Variants in TYW1B observed in about 807,000 individuals in gnomAD.
TYW1B encodes the protein S-adenosyl-L-methionine-dependent tRNA 4-demethylwyosine synthase TYW1B.
Under a neutral mutation model 86.9 loss-of-function variants are expected in TYW1B, and 73 were observed. That is an observed-to-expected ratio of 0.84 (90% CI 0.70 to 1.02). The LOEUF (loss-of-function observed/expected upper bound fraction) is 1.02. TYW1B is among the 50% of genes least tolerant of loss of function. TYW1B has a pLI of 0.00. For missense variants in TYW1B, 637 were observed against 827.4 expected (o/e 0.77, Z 2.82); for synonymous variants, 248 against 292.8 (o/e 0.85, Z 1.56).
chr7:72,616,592 A>G (rs1369468194), intron 13 of TYW1B, 80 bp downstream of exon 13: 1 of 1,605,692 alleles, frequency 6.2e-7, no homozygotes, highest in African/African-American at 1.3e-5. Context: ...ATAACAACGT[A>G]AGAGGAAAAT....
chr7:72,630,529 A>T (rs1392437856), intron 11 of TYW1B, among the ~76,000 whole-genome samples: 2 of 151,952 alleles, frequency 1.3e-5, no homozygotes, highest in Non-Finnish European at 2.9e-5. Flanking sequence ...GTAAAGTGAA[A>T]GGGATGCACA....
chr7:72,607,701 G>A (rs1811836557), intron 13 of TYW1B, among the ~76,000 whole-genome samples: 1 of 151,956 alleles, frequency 6.6e-6, no homozygotes, highest in South Asian at 2.1e-4. Flanking sequence ...TCAGATACCT[G>A]TGGGACCATA....
At chr7:72,793,034 C>T (rs1448656531) in intron 6 of TYW1B, among the ~76,000 whole-genome samples, 2 of 152,166 alleles carry the variant, frequency 1.3e-5, no homozygotes, top group Non-Finnish European at 2.9e-5. Flanking sequence ...AAACACATGT[C>T]AACAGGGTTT....
At chr7:72,750,859 C>T (rs1417297582) in intron 7 of TYW1B, among the ~76,000 whole-genome samples, 3 of 152,156 alleles carry the variant, frequency 2.0e-5, no homozygotes, top group African/African-American at 7.2e-5. Flanking sequence ...CAAAACATTC[C>T]AATGAGTATT....
chr7:72,642,940 G>A (rs1812837718), intron 11 of TYW1B, among the ~76,000 whole-genome samples: 4 of 152,094 alleles, frequency 2.6e-5, no homozygotes, highest in Admixed American at 6.6e-5. Context: ...TATAACACGC[G>A]CTAACTTGGA....
At chr7:72,813,619 C>CT (rs1247864855) in intron 3 of TYW1B, among the ~76,000 whole-genome samples, 1 of 152,198 alleles carries the variant, frequency 6.6e-6, no homozygotes, top group Non-Finnish European at 1.5e-5. Flanking sequence ...AGGGGCCACA[C>CT]TTTGAGAACC....
intron 2 of TYW1B, among the ~76,000 whole-genome samples, chr7:72,825,755 T>C (rs1282870867): frequency 6.6e-6 from 1 of 152,158 alleles, no homozygotes; most frequent in Non-Finnish European, 1.5e-5. Flanking sequence ...TGCCATCCTT[T>C]TTTCCCTATT....
chr7:72,709,678 A>C lies in TYW1B; in HGVS notation c.1370+3943T>G, dbSNP rs543461844. On this transcript the variant is annotated intron_variant, in intron 10 of 13. Transcript: ENST00000620995. ...GCGAGACTCCGTCTCAAAAACAAAA[A>C]AAAAAATTCCAAAAGCGTAACCTCT... 4.5e-4 allele frequency among the ~76,000 whole-genome samples: 68 copies of C among 152,278 alleles called. 1 individual carries two copies. Among genetic ancestry groups the C allele is most frequent in the Non-Finnish European group, 5.6e-4 (38 of 68,024 alleles).
intron 13 of TYW1B, among the ~76,000 whole-genome samples, chr7:72,615,817 T>C (rs1554436796): frequency 6.6e-6 from 1 of 150,922 alleles, no homozygotes; most frequent in African/African-American, 2.4e-5. Flanking sequence ...AAATTAATGG[T>C]TGAATTTAAT....
At chr7:72,675,421 A>G (rs1290964974) in intron 11 of TYW1B, among the ~76,000 whole-genome samples, 1 of 151,934 alleles carries the variant, frequency 6.6e-6, no homozygotes, top group Non-Finnish European at 1.5e-5. Flanking sequence ...AAAAGAAAAC[A>G]GGAAAACTTG....
At position 72,827,022 on chromosome 7, in the gene TYW1B, A is replaced by AAAGCTACATATAC. The variant is rs1554481569; in HGVS notation, c.5-50_5-38dup. 6.3e-6 allele frequency: 10 copies of AAAGCTACATATAC among 1,581,460 alleles called. No individual in the cohort carries two copies. In the South Asian group the frequency reaches 9.2e-5, roughly 15 times the overall value. ...ATGACACACACAGATAATTTCATTT[A>AAAGCTACATATAC]AAGCTACATATACAAAGATATCCTT... On this transcript the variant is annotated intron_variant, in intron 1 of 13. Coordinates refer to ENST00000620995, the MANE Select transcript of TYW1B (RefSeq NM_001145440.3).
intron 9 of TYW1B, among the ~76,000 whole-genome samples, chr7:72,726,795 C>T (rs1425862314): frequency 5.9e-5 from 9 of 152,032 alleles, no homozygotes; most frequent in African/African-American, 2.2e-4. Context: ...CTGCCGGAGA[C>T]GGGGTAATTT....
At chr7:72,740,419 C>T (rs1342222165) in intron 8 of TYW1B, among the ~76,000 whole-genome samples, 14 of 143,716 alleles carry the variant, frequency 9.7e-5, no homozygotes, top group Non-Finnish European at 3.0e-5. Flanking sequence ...AAAAAAAAAG[C>T]GAAAGAAATG....
At chr7:72,807,628 TA>T (rs1449201378) in intron 4 of TYW1B, among the ~76,000 whole-genome samples, 1 of 151,290 alleles carries the variant, frequency 6.6e-6, no homozygotes, top group South Asian at 2.1e-4. Context: ...GGTTAATGAC[TA>T]AAAAAAAATT....
At chr7:72,794,123 C>T (rs1214450026) in intron 6 of TYW1B, among the ~76,000 whole-genome samples, 2 of 152,270 alleles carry the variant, frequency 1.3e-5, no homozygotes, top group East Asian at 1.9e-4. Context: ...AGAACTCAGG[C>T]GTGTTCCCCT....
chr7:72,620,478 G>A (rs182987957), intron 12 of TYW1B, among the ~76,000 whole-genome samples: 1 of 152,210 alleles, frequency 6.6e-6, no homozygotes, highest in East Asian at 1.9e-4. Context: ...TGAGTCAACC[G>A]CAAAGCCAGA....
At chr7:72,699,065 G>A (rs1489118620) in intron 10 of TYW1B, among the ~76,000 whole-genome samples, 6 of 152,138 alleles carry the variant, frequency 3.9e-5, no homozygotes, top group Non-Finnish European at 8.8e-5. Flanking sequence ...CCACCACGCA[G>A]CGCCATGACT....
At chr7:72,762,934 A>G (rs1238735974) in intron 7 of TYW1B, among the ~76,000 whole-genome samples, 1 of 152,142 alleles carries the variant, frequency 6.6e-6, no homozygotes, top group African/African-American at 2.4e-5. Context: ...TGCTGCGATT[A>G]CAGGCGTGAG....
chr7:72,701,189 GTTTCC>G (rs1814462607), intron 10 of TYW1B, among the ~76,000 whole-genome samples: 1 of 152,028 alleles, frequency 6.6e-6, no homozygotes, highest in Non-Finnish European at 1.5e-5. Flanking sequence ...ATTCTATTCT[GTTTCC>G]TTTCAACTGT....
Sources: allele counts gnomAD v4.1 joint callset (sites outside exome capture counted in the v4.1 genomes callset), GRCh38; gene constraint gnomAD v4.1.1; transcripts MANE v1.5; gene names NCBI Gene and HGNC (gene_info 2026-07-23, HGNC 2026-07-21).